METTL24: variants seen among roughly 807,000 people sequenced by gnomAD.
The protein encoded by METTL24 is methyltransferase like 24, also known as probable methyltransferase-like protein 24.
METTL24 carries 29 observed loss-of-function variants against 32.7 expected under a neutral mutation model. The observed-to-expected ratio is 0.89, with a 90% CI of 0.66 to 1.21. The LOEUF is 1.21. Ranked by LOEUF, METTL24 falls within the 50% of genes most tolerant of loss-of-function variation. METTL24 has a pLI of 0.00. For synonymous variants in METTL24, 163 were observed against 179.5 expected (o/e 0.91, Z 0.73); for missense variants, 439 against 468.1 (o/e 0.94, Z 0.57).
At chr6:110,249,972 T>A (rs971548959) in intron 4 of METTL24, among the ~76,000 whole-genome samples, 5 of 151,994 alleles carry the variant, frequency 3.3e-5, no homozygotes, top group African/African-American at 1.2e-4. Flanking sequence ...TTCACAAACC[T>A]TTTGAAGAAA....
intron 4 of METTL24, among the ~76,000 whole-genome samples, chr6:110,266,189 G>A (rs567096724): frequency 6.6e-6 from 1 of 151,822 alleles, no homozygotes; most frequent in South Asian, 2.1e-4. Flanking sequence ...ACAGGTATGA[G>A]CCACTGTGTC....
At chr6:110,318,651 C>CAAAAAAAAAAA (rs56890760) in intron 2 of METTL24, among the ~76,000 whole-genome samples, 2 of 90,572 alleles carry the variant, frequency 2.2e-5, no homozygotes, top group African/African-American at 7.0e-5. Context: ...GACTCTACCT[C>CAAAAAAAAAAA]AAAAAAAAAA....
chr6:110,302,580 T>TATGTGTATATATACACATATACACACAC (rs1771547263), intron 3 of METTL24, among the ~76,000 whole-genome samples: 1 of 117,610 alleles, frequency 8.5e-6, no homozygotes. Context: ...TACACACACA[T>TATGTGTATATATACACATATACACACAC]ATGTGTATAT....
At chr6:110,297,801 A>C (rs902210333) in intron 4 of METTL24, among the ~76,000 whole-genome samples, 3 of 152,220 alleles carry the variant, frequency 2.0e-5, no homozygotes, top group African/African-American at 4.8e-5. Flanking sequence ...CTGACTATTA[A>C]ATGCCACCAG....
chr6:110,329,119 C>G (rs1189672543), intron 1 of METTL24, among the ~76,000 whole-genome samples: 2 of 152,160 alleles, frequency 1.3e-5, no homozygotes, highest in Non-Finnish European at 2.9e-5. Context: ...CAATAGATAA[C>G]TGATAGAGTG....
At chr6:110,303,947 G>A (rs117307757) in intron 3 of METTL24, among the ~76,000 whole-genome samples, 5,048 of 152,216 alleles carry the variant, frequency 0.033, 181 homozygotes, top group East Asian at 0.12. Context: ...TGCCCCTCTG[G>A]GACAAATCTT....
chr6:110,305,137 C>A (rs1771605173), intron 3 of METTL24, among the ~76,000 whole-genome samples: 1 of 152,114 alleles, frequency 6.6e-6, no homozygotes, highest in Admixed American at 6.6e-5. Context: ...CAGGCCTGCC[C>A]TACAAGAGCT....
chr6:110,329,537 C>T (rs1772076885), intron 1 of METTL24, among the ~76,000 whole-genome samples: 1 of 151,978 alleles, frequency 6.6e-6, no homozygotes, highest in African/African-American at 2.4e-5. Flanking sequence ...GGGAGAGGCA[C>T]AAAATGGTAT....
In METTL24 at chr6:110,270,467, G is replaced by A. The variant is rs1269952399; in HGVS notation, c.787-24207C>T. Among the ~76,000 whole-genome samples, 5 of 152,242 alleles carry A rather than the reference G, an allele frequency of 3.3e-5. No homozygotes were observed. In the East Asian group the frequency reaches 7.7e-4, roughly 24 times the overall value. On this transcript the variant is annotated intron_variant, in intron 4 of 4. Transcript: ENST00000338882. Reference sequence around the variant, plus strand: ...ATTTATGGGGCTAAGCAGACAGTCAGTTGCTAACCTGTCGCCATGAACACC... The same window carrying A: ...ATTTATGGGGCTAAGCAGACAGTCAATTGCTAACCTGTCGCCATGAACACC...
Position 110,315,392 on chromosome 6 carries a change from G to T in METTL24, c.507C>A (p.Phe169Leu). ...TGTTGCGGATTTGATGAGCTAAATT[G>T]AACCTGTCGTCAAGACACACTGACC... Reference protein sequence around the residue: ...KPWSVCLDDRFNLAHQIRNKQ... With the variant: ...KPWSVCLDDRLNLAHQIRNKQ... Residue 169 changes from phenylalanine (F) to leucine (L), a missense_variant, in exon 3 of 5, where the codon TTC (phenylalanine) becomes TTA (leucine). Phe to Leu is a conservative substitution (Grantham distance 22). Transcript: ENST00000338882. 4 of 1,614,162 alleles carry T rather than the reference G, an allele frequency of 2.5e-6. No individual in the cohort carries two copies. Among genetic ancestry groups the T allele is most frequent in the Non-Finnish European group, 3.4e-6 (4 of 1,180,016 alleles).
At position 110,248,279 on chromosome 6, in the gene METTL24, C is replaced by T. The variant is rs186174785; in HGVS notation, c.787-2019G>A. 1.1e-4 allele frequency among the ~76,000 whole-genome samples: 17 copies of T among 152,268 alleles called. No homozygotes were observed. In the East Asian group the frequency reaches 2.9e-3, roughly 26 times the overall value. On this transcript the variant is annotated intron_variant, in intron 4 of 4. Transcript: ENST00000338882. ...TTTCTTTATAGCAACACAAGAACAG[C>T]CTAACACACATTCCTTGGGTGATTT... is the stretch of plus-strand genomic sequence containing the variant.
chr6:110,333,200 A>G (rs1772140107), intron 1 of METTL24, among the ~76,000 whole-genome samples: 1 of 152,148 alleles, frequency 6.6e-6, no homozygotes, highest in African/African-American at 2.4e-5. Flanking sequence ...ACCAGCCCTG[A>G]GACGTCAGTG....
chr6:110,340,349 C>T (rs1251434277), intron 1 of METTL24, among the ~76,000 whole-genome samples: 1 of 152,128 alleles, frequency 6.6e-6, no homozygotes, highest in Non-Finnish European at 1.5e-5. Context: ...GAGAGAAGCC[C>T]ATCACACTGG....
intron 1 of METTL24, among the ~76,000 whole-genome samples, chr6:110,335,199 T>C (rs1031181848): frequency 5.9e-5 from 9 of 152,180 alleles, no homozygotes; most frequent in African/African-American, 1.4e-4. Context: ...TCCATTCTGA[T>C]TGGGTTTGCT....
intron 1 of METTL24, among the ~76,000 whole-genome samples, chr6:110,334,997 C>T (rs1265970693): frequency 6.6e-6 from 1 of 152,156 alleles, no homozygotes; most frequent in Non-Finnish European, 1.5e-5. Flanking sequence ...CACATAAAAG[C>T]TTCTTTTGAA....
chr6:110,350,636 G>A (rs1009789971), intron 1 of METTL24, among the ~76,000 whole-genome samples: 6 of 151,752 alleles, frequency 4.0e-5, no homozygotes, highest in African/African-American at 1.5e-4. Context: ...AAATGTCCTC[G>A]AAATGGGGGA....
chr6:110,343,124 C>A (rs1772393153), intron 1 of METTL24, among the ~76,000 whole-genome samples: 1 of 152,114 alleles, frequency 6.6e-6, no homozygotes, highest in Non-Finnish European at 1.5e-5. Context: ...TATGTCATCA[C>A]CCTCCGTGTA....
chr6:110,251,224 C>A (rs1007809753), intron 4 of METTL24, among the ~76,000 whole-genome samples: 6 of 152,134 alleles, frequency 3.9e-5, no homozygotes, highest in Admixed American at 1.3e-4. Flanking sequence ...AAACAATTGA[C>A]CCTAGTAATT....
intron 3 of METTL24, among the ~76,000 whole-genome samples, chr6:110,313,815 C>T (rs1259167684): frequency 1.3e-5 from 2 of 152,204 alleles, no homozygotes; most frequent in East Asian, 3.8e-4. Flanking sequence ...TTCATCACAG[C>T]ATAACCAGCT....
Sources: gnomAD v4.1 joint callset for allele counts (sites outside exome capture counted in the v4.1 genomes callset) on GRCh38, gnomAD v4.1.1 for gene constraint, MANE v1.5 for transcripts, NCBI Gene and HGNC (gene_info 2026-07-23, HGNC 2026-07-21) for gene names.